The following MCC variants were observed in gnomAD, a reference collection of about 807,000 sequenced individuals.
MCC encodes the protein colorectal mutant cancer protein.
Under a neutral mutation model 116.2 loss-of-function variants are expected in MCC, and 90 were observed. The ratio of observed to expected loss-of-function variants is 0.77; its 90% confidence interval spans 0.65 to 0.92. MCC has a LOEUF of 0.92. MCC is among the 40% of genes least tolerant of loss of function. MCC has a pLI of 0.00. For missense variants in MCC, 1,516 were observed against 1,312.2 expected (o/e 1.16, Z -2.40); for synonymous variants, 578 against 510.5 (o/e 1.13, Z -1.78).
At chr5:113,258,572 T>C (rs969266647) in intron 3 of MCC, among the ~76,000 whole-genome samples, 1 of 152,236 alleles carries the variant, frequency 6.6e-6, no homozygotes, top group Admixed American at 6.5e-5. Flanking sequence ...TAATGCCAGA[T>C]GATCTGAGGT....
chr5:113,402,016 C>T (rs1055229925), intron 1 of MCC, among the ~76,000 whole-genome samples: 4 of 151,682 alleles, frequency 2.6e-5, no homozygotes, highest in East Asian at 1.9e-4. Flanking sequence ...CACTCAGGGC[C>T]GGGCGCGGTG....
intron 3 of MCC, chr5:113,322,919 C>T (rs1313662371): frequency 1.3e-5 from 2 of 152,234 alleles, no homozygotes; most frequent in Non-Finnish European, 2.9e-5. Context: ...TAGGACTGAC[C>T]TGTGTAACCA....
chr5:113,209,020 A>G (rs1400851933), intron 3 of MCC, among the ~76,000 whole-genome samples: 2 of 152,326 alleles, frequency 1.3e-5, no homozygotes, highest in East Asian at 1.9e-4. Context: ...AAACACTTCA[A>G]AAAGGAAATT....
intron 3 of MCC, among the ~76,000 whole-genome samples, chr5:113,161,367 A>G (rs1439400461): frequency 6.6e-6 from 1 of 152,220 alleles, no homozygotes; most frequent in Non-Finnish European, 1.5e-5. Context: ...TTCTATGAAC[A>G]TGAATAAAAG....
chr5:113,208,946 GC>G (rs760151933), intron 3 of MCC, among the ~76,000 whole-genome samples: 8 of 152,186 alleles, frequency 5.3e-5, no homozygotes, highest in Admixed American at 2.0e-4. Flanking sequence ...TCTCTGAGGG[GC>G]TAAGGGTCGT....
intron 3 of MCC, among the ~76,000 whole-genome samples, chr5:113,277,243 C>T (rs1333549542): frequency 6.6e-6 from 1 of 151,732 alleles, no homozygotes; most frequent in Non-Finnish European, 1.5e-5. Context: ...TGGCGGGCAC[C>T]TGTAATCCCA....
intron 2 of MCC, among the ~76,000 whole-genome samples, chr5:113,358,892 G>A (rs1278722009): frequency 1.3e-5 from 2 of 152,168 alleles, no homozygotes; most frequent in Non-Finnish European, 2.9e-5. Flanking sequence ...TGATCCCCAT[G>A]AGGGCCCCTA....
chr5:113,470,954 T>C (rs1237216930), intron 1 of MCC, among the ~76,000 whole-genome samples: 1 of 152,236 alleles, frequency 6.6e-6, no homozygotes, highest in African/African-American at 2.4e-5. Context: ...TGATACCCTT[T>C]CTTCCAGTTG....
chr5:113,057,081 A>G (rs1038925013), intron 14 of MCC, among the ~76,000 whole-genome samples: 1 of 152,202 alleles, frequency 6.6e-6, no homozygotes, highest in African/African-American at 2.4e-5. Flanking sequence ...AGGACACAGT[A>G]AATGCAATCT....
At chr5:113,392,779 G>C (rs1162326792) in intron 1 of MCC, among the ~76,000 whole-genome samples, 1 of 152,058 alleles carries the variant, frequency 6.6e-6, no homozygotes, top group African/African-American at 2.4e-5. Context: ...CATGAGGTTG[G>C]TACCATTATT....
intron 14 of MCC, among the ~76,000 whole-genome samples, chr5:113,058,783 G>A (rs1173424563): frequency 2.6e-5 from 4 of 152,226 alleles, no homozygotes; most frequent in South Asian, 4.1e-4. Context: ...GAAAGGATAC[G>A]GCAGGCCCTG....
intron 2 of MCC, among the ~76,000 whole-genome samples, chr5:113,364,262 C>CCG (rs1768630594): frequency 1.3e-5 from 1 of 78,608 alleles, no homozygotes. Context: ...AAAAAAAAAC[C>CCG]AGAAAAAAAA....
At chr5:113,251,774 C>T (rs1764813843) in intron 3 of MCC, among the ~76,000 whole-genome samples, 1 of 152,160 alleles carries the variant, frequency 6.6e-6, no homozygotes, top group African/African-American at 2.4e-5. Context: ...GGCTGCTGTA[C>T]TTGGCTGCTG....
chr5:113,327,414 T>C (rs1325824426), intron 3 of MCC, among the ~76,000 whole-genome samples: 3 of 150,790 alleles, frequency 2.0e-5, no homozygotes, highest in Non-Finnish European at 4.4e-5. Context: ...GGTGTGGTGG[T>C]GTGAGCCTGT....
intron 4 of MCC, among the ~76,000 whole-genome samples, chr5:113,149,782 A>C (rs1295721323): frequency 1.3e-5 from 2 of 152,220 alleles, no homozygotes; most frequent in Non-Finnish European, 2.9e-5. Flanking sequence ...AAGGTGTGCC[A>C]TTGAACAACA....
intron 3 of MCC, among the ~76,000 whole-genome samples, chr5:113,161,632 G>A (rs1398001766): frequency 0.027 from 103 of 3,878 alleles, no homozygotes; most frequent in African/African-American, 0.029. Flanking sequence ...GTGTGTGTGT[G>A]TGTGTGTGTG....
intron 3 of MCC, among the ~76,000 whole-genome samples, chr5:113,327,527 C>T (rs1350491828): frequency 4.6e-4 from 50 of 107,684 alleles, no homozygotes; most frequent in Admixed American, 9.5e-4. Context: ...GCCTGGGTGA[C>T]AGAGTAAGAC....
At position 113,488,290 on chromosome 5, in the gene MCC, C is replaced by G; in HGVS notation, c.125G>C (p.Arg42Pro). ...GTCGCCGTCGCACGTCTGGAAGAGGCGCCGCATCCTCTCCTCCTCGCCGGT... is the reference window on the plus strand; with the variant it reads ...GTCGCCGTCGCACGTCTGGAAGAGGGGCCGCATCCTCTCCTCCTCGCCGGT... ...SSTGEEERMR[R>P]LFQTCDGDGD... The change falls in exon 1 of 19, where the codon CGC becomes CCC. Residue 42 changes from arginine (R) to proline (P), a missense_variant. By Grantham distance (103) the Arg-to-Pro change is moderately radical. Coordinates refer to ENST00000408903, the MANE Select transcript of MCC (RefSeq NM_001085377.2). 6.3e-7 allele frequency: 1 copy of G among 1,594,546 alleles called. No individual in the cohort carries two copies. The highest frequency in any genetic ancestry group is 8.5e-7 in the Non-Finnish European group (1 of 1,171,644).
chr5:113,479,095 C>T lies in MCC; in HGVS notation c.170+9150G>A, dbSNP rs146234505. Among the ~76,000 whole-genome samples the T allele has an allele frequency of 3.1e-3, 472 of 152,134 alleles. 7 individuals are homozygous for T. Among genetic ancestry groups the T allele is most frequent in the East Asian group, 0.02 (104 of 5,174 alleles). ...ACCTAAATGTCCATCAATTAATGAA[C>T]GGATAAACAAATTGTGGCACCTTCA... On this transcript the variant is annotated intron_variant, in intron 1 of 18. Transcript: ENST00000408903.
Sources: allele counts gnomAD v4.1 joint callset (sites outside exome capture counted in the v4.1 genomes callset), GRCh38; gene constraint gnomAD v4.1.1; transcripts MANE v1.5; gene names NCBI Gene and HGNC (gene_info 2026-07-23, HGNC 2026-07-21).